Variants in CACNA2D3 observed in about 807,000 individuals in gnomAD.
CACNA2D3 encodes calcium voltage-gated channel auxiliary subunit alpha2delta 3.
CACNA2D3 carries 60 observed loss-of-function variants against 160.6 expected under a neutral mutation model. The ratio of observed to expected loss-of-function variants is 0.37; its 90% CI spans 0.30 to 0.46. The LOEUF (loss-of-function observed/expected upper bound fraction) is 0.46. Ranked by LOEUF, CACNA2D3 falls within the 20% of genes least tolerant of loss-of-function variation. The pLI, the probability that CACNA2D3 is intolerant of heterozygous loss-of-function variation, is 1.00. For missense variants in CACNA2D3, 1,205 were observed against 1,365.0 expected (o/e 0.88, Z 1.85); for synonymous variants, 558 against 492.9 (o/e 1.13, Z -1.75).
intron 3 of CACNA2D3, among the ~76,000 whole-genome samples, chr3:54,323,220 C>A (rs1365446850): frequency 1.3e-5 from 2 of 152,280 alleles, no homozygotes; most frequent in South Asian, 4.2e-4. Flanking sequence ...GACTCTTTTC[C>A]TATTTTAATG....
At chr3:54,459,821 G>T (rs1041451217) in intron 4 of CACNA2D3, among the ~76,000 whole-genome samples, 4 of 152,104 alleles carry the variant, frequency 2.6e-5, no homozygotes, top group Non-Finnish European at 4.4e-5. Context: ...TATTGCTTTT[G>T]GTGTTTTAGA....
chr3:54,480,627 G>A (rs1326598187), intron 4 of CACNA2D3, among the ~76,000 whole-genome samples: 1 of 152,158 alleles, frequency 6.6e-6, no homozygotes, highest in Non-Finnish European at 1.5e-5. Context: ...GGGCCTTTCT[G>A]TAATATAATG....
chr3:54,667,377 C>G (rs976444483), intron 11 of CACNA2D3, among the ~76,000 whole-genome samples: 1 of 152,180 alleles, frequency 6.6e-6, no homozygotes, highest in Non-Finnish European at 1.5e-5. Context: ...TCTGTAACCA[C>G]CCTCCAAGGC....
chr3:54,810,768 C>T (rs1226542556), intron 13 of CACNA2D3, among the ~76,000 whole-genome samples: 3 of 152,130 alleles, frequency 2.0e-5, no homozygotes, highest in Non-Finnish European at 4.4e-5. Context: ...TTTGGAACTT[C>T]GTTGAGCTAG....
At chr3:54,672,375 C>T (rs565442365) in intron 11 of CACNA2D3, among the ~76,000 whole-genome samples, 51 of 152,224 alleles carry the variant, frequency 3.4e-4, no homozygotes, top group African/African-American at 9.9e-4. Flanking sequence ...AGTTCAGTGC[C>T]CCAGCCCTTC....
intron 27 of CACNA2D3, among the ~76,000 whole-genome samples, chr3:54,950,015 C>A (rs1200842642): frequency 1.3e-5 from 2 of 152,202 alleles, no homozygotes; most frequent in African/African-American, 4.8e-5. Context: ...AAAGATTCGT[C>A]TTGAAGTCTA....
At chr3:54,167,097 T>A (rs1260677316) in intron 2 of CACNA2D3, among the ~76,000 whole-genome samples, 1 of 152,114 alleles carries the variant, frequency 6.6e-6, no homozygotes, top group Admixed American at 6.5e-5. Flanking sequence ...ATGTACAGAG[T>A]GTCCTGCTGT....
intron 2 of CACNA2D3, among the ~76,000 whole-genome samples, chr3:54,125,526 A>G (rs1373229682): frequency 6.6e-6 from 1 of 152,044 alleles, no homozygotes; most frequent in African/African-American, 2.4e-5. Context: ...GTTGCTTGGC[A>G]TTGCGTTCCA....
At chr3:54,352,356 G>T (rs1212546195) in intron 3 of CACNA2D3, among the ~76,000 whole-genome samples, 1 of 152,036 alleles carries the variant, frequency 6.6e-6, no homozygotes, top group African/African-American at 2.4e-5. Flanking sequence ...TGGTGTTGAT[G>T]GTTGTGTATT....
At chr3:54,925,612 A>C (rs940118591) in intron 27 of CACNA2D3, among the ~76,000 whole-genome samples, 19 of 152,350 alleles carry the variant, frequency 1.2e-4, no homozygotes, top group African/African-American at 4.6e-4. Flanking sequence ...AGATACTTAC[A>C]TTTCTGTAAA....
At chr3:54,830,192 C>G (rs903561715) in intron 14 of CACNA2D3, among the ~76,000 whole-genome samples, 1 of 152,128 alleles carries the variant, frequency 6.6e-6, no homozygotes, top group Non-Finnish European at 1.5e-5. Flanking sequence ...ATCCACCTGC[C>G]TTGGCCTCCC....
At chr3:54,581,150 T>A (rs1702669746) in intron 8 of CACNA2D3, among the ~76,000 whole-genome samples, 1 of 152,184 alleles carries the variant, frequency 6.6e-6, no homozygotes. Context: ...AGAAGCAAGC[T>A]TGCTGAGAGA....
intron 2 of CACNA2D3, among the ~76,000 whole-genome samples, chr3:54,171,054 A>G (rs1700555746): frequency 1.4e-5 from 2 of 147,648 alleles, no homozygotes; most frequent in Admixed American, 6.8e-5. Flanking sequence ...GACCTTACAC[A>G]TCTGGAACTT....
At chr3:54,595,823 G>A (rs1212477356) in intron 9 of CACNA2D3, among the ~76,000 whole-genome samples, 1 of 152,102 alleles carries the variant, frequency 6.6e-6, no homozygotes, top group African/African-American at 2.4e-5. Flanking sequence ...AGGGGGAGTA[G>A]TATGTTCCCA....
At chr3:55,058,151 G>A (rs116704910) in intron 35 of CACNA2D3, among the ~76,000 whole-genome samples, 33 of 152,204 alleles carry the variant, frequency 2.2e-4, no homozygotes, top group African/African-American at 7.9e-4. Context: ...TTGTGATAAG[G>A]GACAGTTGAA....
intron 11 of CACNA2D3, among the ~76,000 whole-genome samples, chr3:54,730,058 TTTA>T (rs1327735253): frequency 6.6e-6 from 1 of 152,016 alleles, no homozygotes; most frequent in African/African-American, 2.4e-5. Context: ...TTCATTTAAT[TTTA>T]TTATTCTTTT....
rs59534343 is a variant in CACNA2D3, at chr3:54,303,818, G to GTTTTTTGTTTTTTTTTTTTTTTTTT, written c.205-16618_205-16617insGTTTTTTTTTTTTTTTTTTTTTTTT. Among the ~76,000 whole-genome samples, 2 of 115,006 alleles carry GTTTTTTGTTTTTTTTTTTTTTTTTT rather than the reference G, an allele frequency of 1.7e-5. 1 individual carries two copies. Among genetic ancestry groups the GTTTTTTGTTTTTTTTTTTTTTTTTT allele is most frequent in the Non-Finnish European group, 3.4e-5 (2 of 58,438 alleles). The allele number at this position is 115,006 out of a possible 152,430, so 75.4% of individuals were successfully genotyped here. The stretch of plus-strand genomic sequence containing the variant: ...CAGCCTCATCAGTGACTTTTTTTCT[G>GTTTTTTGTTTTTTTTTTTTTTTTTT]TTTTTTTTTTTTTTTTTTTTCTATT... On this transcript the variant is annotated intron_variant, in intron 2 of 37. Coordinates refer to ENST00000474759, the MANE Select transcript of CACNA2D3 (RefSeq NM_018398.3).
chr3:54,825,040 A>G (rs955165013), intron 14 of CACNA2D3, among the ~76,000 whole-genome samples: 1 of 152,190 alleles, frequency 6.6e-6, no homozygotes, highest in African/African-American at 2.4e-5. Flanking sequence ...TCATTTATTT[A>G]AATATGTGAC....
chr3:54,454,391 A>G (rs1700361209), intron 4 of CACNA2D3, among the ~76,000 whole-genome samples: 1 of 152,030 alleles, frequency 6.6e-6, no homozygotes, highest in Admixed American at 6.6e-5. Flanking sequence ...TCCTCACCCC[A>G]TTGCCTCACT....
Sources: gnomAD v4.1 joint callset for allele counts (sites outside exome capture counted in the v4.1 genomes callset) on GRCh38, gnomAD v4.1.1 for gene constraint, MANE v1.5 for transcripts, NCBI Gene and HGNC (gene_info 2026-07-23, HGNC 2026-07-21) for gene names.